Variants in PRRG1 observed in about 807,000 individuals in gnomAD.
The protein encoded by PRRG1 is proline rich and Gla domain 1.
PRRG1 carries 5 observed loss-of-function variants against 11.8 expected under a neutral mutation model. The observed-to-expected ratio is 0.42, with a 90% CI of 0.22 to 0.89. PRRG1 has a LOEUF of 0.89. PRRG1 is among the 40% of genes least tolerant of loss of function. PRRG1 has a pLI of 0.28. For synonymous variants in PRRG1, 66 were observed against 60.4 expected (o/e 1.09, Z -0.43); for missense variants, 155 against 166.1 (o/e 0.93, Z 0.37).
intron 1 of PRRG1, among the ~76,000 whole-genome samples, chrX:37,403,177 A>G (rs1362182881): frequency 2.7e-5 from 3 of 109,787 alleles, no homozygotes; most frequent in Admixed American, 9.8e-5. Flanking sequence ...AGACACATGC[A>G]CACGTATGTT....
Position 37,400,762 on chromosome X carries a change from G to C in PRRG1, c.-41-5447G>C, listed in dbSNP as rs1199140724. Reference sequence around the variant, plus strand: ...CAAGACTAATAAAGAAGAAAAGAGAGAAGAATCAAATAGACACAATAAAAA... The same window carrying C: ...CAAGACTAATAAAGAAGAAAAGAGACAAGAATCAAATAGACACAATAAAAA... On this transcript the variant is annotated intron_variant, in intron 1 of 3. Coordinates refer to ENST00000378628, the MANE Select transcript of PRRG1 (RefSeq NM_001142395.2). Among the ~76,000 whole-genome samples, 15 of 111,306 alleles carry C rather than the reference G, an allele frequency of 1.3e-4. 1 individual carries two copies. The highest frequency in any genetic ancestry group is 1.3e-3 in the Admixed American group (14 of 10,505).
chrX:37,375,337 T>C (rs1392137896), intron 1 of PRRG1, among the ~76,000 whole-genome samples: 1 of 111,550 alleles, frequency 9.0e-6, no homozygotes, highest in Admixed American at 9.6e-5. Context: ...TCCAGGTCAG[T>C]TAAGGTCTGC....
chrX:37,428,958 G>A (rs1396411910), intron 3 of PRRG1, among the ~76,000 whole-genome samples: 1 of 112,716 alleles, frequency 8.9e-6, no homozygotes, highest in Non-Finnish European at 1.9e-5. Context: ...AGCTGCTTAA[G>A]TTTGGGGCTG....
intron 1 of PRRG1, among the ~76,000 whole-genome samples, chrX:37,402,722 A>G (rs782671229): frequency 3.6e-5 from 4 of 111,583 alleles, no homozygotes; most frequent in Admixed American, 1.9e-4. Context: ...GAAAATTTTC[A>G]CAACCTACTC....
intron 1 of PRRG1, among the ~76,000 whole-genome samples, chrX:37,405,400 TTA>T (rs1416375725): frequency 3.6e-5 from 4 of 112,006 alleles, no homozygotes; most frequent in Non-Finnish European, 5.6e-5. Flanking sequence ...GACTGATAGT[TTA>T]TGTCTTATAG....
At chrX:37,358,845 G>A (rs1035791724) in intron 1 of PRRG1, among the ~76,000 whole-genome samples, 3 of 111,712 alleles carry the variant, frequency 2.7e-5, no homozygotes, top group African/African-American at 6.5e-5. Flanking sequence ...CTTCCTATTC[G>A]TGAACATGGG....
chrX:37,367,478 C>T lies in PRRG1; in HGVS notation c.-42+18083C>T, dbSNP rs782609658. Among the ~76,000 whole-genome samples, 4 of 107,242 alleles carry T rather than the reference C, an allele frequency of 3.7e-5. No homozygotes were observed. In the East Asian group the frequency reaches 1.1e-3, roughly 30 times the overall value. The allele number at this position is 107,242 out of a possible 115,157, so 93.1% of individuals were successfully genotyped here. A position where few individuals can be genotyped will look rare whatever the true frequency, so the allele number is the denominator to read the frequency against. ...TGTTAACATAGCAGATCTGTGTTAACATTCAGCAGATCTCCTTCATATCTC... is the reference window on the plus strand; with the variant it reads ...TGTTAACATAGCAGATCTGTGTTAATATTCAGCAGATCTCCTTCATATCTC... On this transcript the variant is annotated intron_variant, in intron 1 of 3. Transcript: ENST00000378628.
intron 1 of PRRG1, chrX:37,403,663 TA>T (rs1397584264): frequency 2.2e-6 from 1 of 463,686 alleles, no homozygotes; most frequent in Non-Finnish European, 2.6e-6. Flanking sequence ...TAAAATAAAA[TA>T]AAATAAAATA....
intron 1 of PRRG1, among the ~76,000 whole-genome samples, chrX:37,405,916 A>G (rs1174892584): frequency 1.8e-5 from 2 of 111,693 alleles, no homozygotes; most frequent in Admixed American, 9.5e-5. Flanking sequence ...TTCTGAAGAG[A>G]TAAGTGTGTG....
In PRRG1 at chrX:37,456,728, AT is replaced by A. The variant is rs782563941; in HGVS notation, c.*3113del. ...AAGGGGTTTGTTTGGAATAATATATATTTTTTATGCTTTTGTCTTTCTTACC... is the reference window on the plus strand; with the variant it reads ...AAGGGGTTTGTTTGGAATAATATATATTTTTATGCTTTTGTCTTTCTTACC... On this transcript the variant is annotated 3_prime_UTR_variant, in exon 4 of 4. Transcript: ENST00000378628. The A allele has an allele frequency of 4.4e-5, 5 of 112,366 alleles. No individual in the cohort carries two copies. In the South Asian group the frequency reaches 1.8e-3, roughly 41 times the overall value. 9.3% of individuals were successfully genotyped at this position (112,366 alleles called of 1,213,427 possible).
chrX:37,351,027 C>G (rs782207601), intron 1 of PRRG1, among the ~76,000 whole-genome samples: 1 of 111,192 alleles, frequency 9.0e-6, no homozygotes, highest in East Asian at 2.8e-4. Flanking sequence ...CCATCTTCTC[C>G]AGAGTGAATT....
At chrX:37,351,550 A>G (rs1304990972) in intron 1 of PRRG1, among the ~76,000 whole-genome samples, 2 of 112,266 alleles carry the variant, frequency 1.8e-5, no homozygotes, top group Non-Finnish European at 3.8e-5. Flanking sequence ...CATATTGCAT[A>G]AAGTTCATGG....
intron 3 of PRRG1, among the ~76,000 whole-genome samples, chrX:37,432,499 A>C (rs1211159279): frequency 9.1e-6 from 1 of 109,842 alleles, no homozygotes; most frequent in Non-Finnish European, 1.9e-5. Flanking sequence ...TCTTTGAAGC[A>C]AGTAGAAGAA....
chrX:37,439,803 T>C (rs1168858748), intron 3 of PRRG1, among the ~76,000 whole-genome samples: 7 of 101,528 alleles, frequency 6.9e-5, no homozygotes, highest in Non-Finnish European at 1.4e-4. Flanking sequence ...CTTTTTTTTT[T>C]TTTTTTTTTT....
intron 2 of PRRG1, among the ~76,000 whole-genome samples, chrX:37,413,439 T>A (rs1019322898): frequency 9.0e-6 from 1 of 111,358 alleles, no homozygotes; most frequent in African/African-American, 3.3e-5. Flanking sequence ...ATTATGCATT[T>A]AGGATTCTTT....
rs554177583 is a variant in PRRG1, at chrX:37,356,275, A to G, written c.-42+6880A>G. ...TGAATGGGGGGACCTACAGGTATTC[A>G]TCTATAGGTGAATAGGGCATGTTGG... On this transcript the variant is annotated intron_variant, in intron 1 of 3. Transcript: ENST00000378628. Among the ~76,000 whole-genome samples the G allele has an allele frequency of 4.5e-5, 5 of 111,771 alleles. No individual in the cohort carries two copies. The South Asian group carries it at 1.9e-3, about 42-fold the overall frequency.
chrX:37,390,871 T>C (rs1022967396), intron 1 of PRRG1, among the ~76,000 whole-genome samples: 5 of 111,950 alleles, frequency 4.5e-5, no homozygotes, highest in Non-Finnish European at 7.5e-5. Flanking sequence ...GCCTCAGGCA[T>C]GGGTAGGCAT....
At chrX:37,393,529 A>T (rs1569441160) in intron 1 of PRRG1, among the ~76,000 whole-genome samples, 1 of 111,476 alleles carries the variant, frequency 9.0e-6, no homozygotes, top group Non-Finnish European at 1.9e-5. Context: ...GGTATTGCTT[A>T]GTGGTTTCCC....
intron 3 of PRRG1, among the ~76,000 whole-genome samples, chrX:37,447,253 T>G (rs981397795): frequency 8.0e-5 from 9 of 112,016 alleles, no homozygotes; most frequent in Non-Finnish European, 1.3e-4. Flanking sequence ...AGGAAGATAA[T>G]GCTACCCGCA....
Sources: allele counts gnomAD v4.1 joint callset (sites outside exome capture counted in the v4.1 genomes callset), GRCh38; gene constraint gnomAD v4.1.1; transcripts MANE v1.5; gene names NCBI Gene and HGNC (gene_info 2026-07-23, HGNC 2026-07-21).